CAMK2A: variants seen among roughly 807,000 people sequenced by gnomAD.
CAMK2A encodes the protein calcium/calmodulin-dependent protein kinase type II subunit alpha.
In CAMK2A, 7 loss-of-function variants were observed where a neutral mutation model predicts 79.2. That is an observed-to-expected ratio of 0.09 (90% CI 0.05 to 0.17). The LOEUF is 0.17. Ranked by LOEUF, CAMK2A falls within the 10% of genes least tolerant of loss-of-function variation. The pLI is 1.00. For synonymous variants in CAMK2A, 242 were observed against 251.7 expected, an observed-to-expected ratio of 0.96 and a Z score of 0.36; for missense variants, 214 against 646.4, an observed-to-expected ratio of 0.33 and a Z score of 7.25.
intron 1 of CAMK2A, among the ~76,000 whole-genome samples, chr5:150,281,947 C>A (rs1189145278): frequency 6.6e-6 from 1 of 152,194 alleles, no homozygotes; most frequent in Non-Finnish European, 1.5e-5. Context: ...AAACAAAACA[C>A]AGCTATGCAG....
intron 3 of CAMK2A, among the ~76,000 whole-genome samples, chr5:150,262,056 G>T (rs1756326168): frequency 6.6e-6 from 1 of 152,180 alleles, no homozygotes; most frequent in South Asian, 2.1e-4. Context: ...TCTGCAGGTG[G>T]TGATGGTAGA....
rs1756046613 is a variant in CAMK2A at position 150,256,117 on chromosome 5, T to C, written c.411+456A>G. On this transcript the variant is annotated intron_variant, in intron 6 of 18. Transcript: ENST00000671881. This position sits in a 1 kb window ranked among gnomAD's most constrained non-coding sequence, Gnocchi z 4.6. ...GCAGGAACAAGACTAAGAATGCATCTGTATACCAGGCCCCGTGCTATCTCA... is the reference window on the plus strand; with the variant it reads ...GCAGGAACAAGACTAAGAATGCATCCGTATACCAGGCCCCGTGCTATCTCA... Among the ~76,000 whole-genome samples the C allele has an allele frequency of 6.6e-6, 1 of 152,200 alleles. No individual in the cohort carries two copies. The highest frequency in any genetic ancestry group is 1.5e-5 in the Non-Finnish European group (1 of 68,034).
chr5:150,284,345 G>A lies in CAMK2A; in HGVS notation c.62+5219C>T, dbSNP rs909276438. Among the ~76,000 whole-genome samples, 7 of 152,182 alleles carry A rather than the reference G, an allele frequency of 4.6e-5. No homozygotes were observed. Among genetic ancestry groups the A allele is most frequent in the South Asian group, 2.1e-4 (1 of 4,830 alleles). ...GTGCTCCCGTGAGCTGTGTGAAGAC[G>A]CATGTGTGTGTGTGAGCACGCATGC... On this transcript the variant is annotated intron_variant, in intron 1 of 18. Transcript: ENST00000671881. The surrounding 1 kb of genome is among the most constrained non-coding windows in gnomAD (Gnocchi z 5.3).
chr5:150,229,348 C>A (rs1754743828), intron 16 of CAMK2A, among the ~76,000 whole-genome samples: 1 of 152,166 alleles, frequency 6.6e-6, no homozygotes, highest in Non-Finnish European at 1.5e-5. Context: ...CTCCAGAATC[C>A]CCCAAGAGTG....
In CAMK2A at chr5:150,219,649, A is replaced by T. The variant is rs997248467; in HGVS notation, c.*3061T>A. The T allele has an allele frequency of 6.8e-6, 1 of 147,702 alleles. No individual in the cohort carries two copies. Among genetic ancestry groups the T allele is most frequent in the African/African-American group, 2.5e-5 (1 of 40,428 alleles). 9.1% of individuals were successfully genotyped at this position (147,702 alleles called of 1,614,324 possible). ...TTTTTAAAAAAGAAAAGAAAAAAAAAAAGAACTAAAACAAAACCCCAAACA... is the reference window on the plus strand; with the variant it reads ...TTTTTAAAAAAGAAAAGAAAAAAAATAAGAACTAAAACAAAACCCCAAACA... On this transcript the variant is annotated 3_prime_UTR_variant, in exon 19 of 19. Transcript: ENST00000671881.
chr5:150,223,251 C>T lies in CAMK2A; in HGVS notation c.1238-34G>A. The T allele has an allele frequency of 1.3e-6, 2 of 1,549,784 alleles. No homozygotes were observed. The highest frequency in any genetic ancestry group is 1.8e-6 in the Non-Finnish European group (2 of 1,126,832). ...GGGGATGGGAGGGGCAGAGGAGATGCAACCGGGGGCCTCCTGTCTCACTTT... is the reference window on the plus strand; with the variant it reads ...GGGGATGGGAGGGGCAGAGGAGATGTAACCGGGGGCCTCCTGTCTCACTTT... On this transcript the variant is annotated intron_variant, in intron 17 of 18. Coordinates refer to ENST00000671881, the MANE Select transcript of CAMK2A (RefSeq NM_015981.4). The surrounding 1 kb of genome is among the most constrained non-coding windows in gnomAD (Gnocchi z 4.1).
chr5:150,273,653 C>A (rs183421718), intron 1 of CAMK2A, among the ~76,000 whole-genome samples: 1 of 152,258 alleles, frequency 6.6e-6, no homozygotes, highest in East Asian at 1.9e-4. Context: ...AGATGGTGTC[C>A]CACACACGAA....
At chr5:150,225,499 G>T (rs1754557889) in intron 17 of CAMK2A, among the ~76,000 whole-genome samples, 1 of 152,182 alleles carries the variant, frequency 6.6e-6, no homozygotes, top group South Asian at 2.1e-4. Context: ...GCTGCATAGA[G>T]GCAGGCCAAG....
Position 150,222,457 on chromosome 5 carries a change from C to T in CAMK2A, c.*253G>A, listed in dbSNP as rs1295345569. 6 of 700,674 alleles carry T rather than the reference C, an allele frequency of 8.6e-6. No individual in the cohort carries two copies. The East Asian group carries it at 1.6e-4, about 19-fold the overall frequency. The allele number at this position is 700,674 out of a possible 1,614,324, so 43.4% of individuals were successfully genotyped here. On this transcript the variant is annotated 3_prime_UTR_variant, in exon 19 of 19. Coordinates refer to ENST00000671881, the MANE Select transcript of CAMK2A (RefSeq NM_015981.4). ...AGAGGGGGCCAGTGCTGTGGACACC[C>T]ATGCCTGAGGAAGCCCCAGCCTGGC...
At chr5:150,251,936 G>T in intron 8 of CAMK2A, 46 bp downstream of exon 8, 1 of 1,584,104 alleles carries the variant, frequency 6.3e-7, no homozygotes, top group South Asian at 1.1e-5. Flanking sequence ...GGCCCCAGAG[G>T]CCGGGGTGCA....
intron 1 of CAMK2A, among the ~76,000 whole-genome samples, chr5:150,288,257 C>T (rs1187833405): frequency 6.6e-6 from 1 of 152,130 alleles, no homozygotes; most frequent in Non-Finnish European, 1.5e-5. Flanking sequence ...ACACATGTGC[C>T]TTCCTATGTG....
At chr5:150,248,479 TC>T (rs1393844379) in intron 11 of CAMK2A, among the ~76,000 whole-genome samples, 9 of 82,476 alleles carry the variant, frequency 1.1e-4, no homozygotes, top group African/African-American at 3.3e-4. Flanking sequence ...ATGCTATCCC[TC>T]CCCCCTCCCC....
At chr5:150,251,107 A>G (rs1755812928) in intron 9 of CAMK2A, among the ~76,000 whole-genome samples, 1 of 152,370 alleles carries the variant, frequency 6.6e-6, no homozygotes, top group East Asian at 1.9e-4. Flanking sequence ...GCCTGGATTC[A>G]AGTCCTGGCT....
intron 2 of CAMK2A, among the ~76,000 whole-genome samples, chr5:150,266,864 G>A (rs1460344255): frequency 6.6e-6 from 1 of 152,054 alleles, no homozygotes; most frequent in Non-Finnish European, 1.5e-5. Flanking sequence ...GCAGGTATGC[G>A]GGTGGGGGGG....
At chr5:150,241,308 C>T (rs1037081700) in intron 13 of CAMK2A, among the ~76,000 whole-genome samples, 6 of 152,048 alleles carry the variant, frequency 3.9e-5, no homozygotes, top group Admixed American at 6.5e-5. Context: ...CTCATCTCCC[C>T]GATTCCCTTC....
chr5:150,286,747 G>A (rs557202307), intron 1 of CAMK2A, among the ~76,000 whole-genome samples: 5 of 152,164 alleles, frequency 3.3e-5, no homozygotes, highest in Non-Finnish European at 5.9e-5. Flanking sequence ...GGCCAGCCAG[G>A]GGGGAAGCAC....
Position 150,284,753 on chromosome 5 carries a change from C to T in CAMK2A, c.62+4811G>A, listed in dbSNP as rs1206518432. ...TCTAGTCCCCTAGCCTGGGCCCTCT[C>T]TCTCCTGTGGCCTTGGACAAACCAC... On this transcript the variant is annotated intron_variant, in intron 1 of 18. Coordinates refer to ENST00000671881, the MANE Select transcript of CAMK2A (RefSeq NM_015981.4). This position sits in a 1 kb window ranked among gnomAD's most constrained non-coding sequence, Gnocchi z 5.3. Among the ~76,000 whole-genome samples the T allele has an allele frequency of 6.6e-6, 1 of 152,196 alleles. No individual in the cohort carries two copies. Among genetic ancestry groups the T allele is most frequent in the Non-Finnish European group, 1.5e-5 (1 of 68,034 alleles).
intron 11 of CAMK2A, among the ~76,000 whole-genome samples, chr5:150,248,951 G>A (rs754739760): frequency 2.6e-5 from 4 of 152,158 alleles, no homozygotes; most frequent in Non-Finnish European, 4.4e-5. Context: ...ACTTGACACT[G>A]TCTGAATCCC....
At chr5:150,242,917 C>T (rs1024567337) in intron 13 of CAMK2A, among the ~76,000 whole-genome samples, 1 of 152,196 alleles carries the variant, frequency 6.6e-6, no homozygotes. Flanking sequence ...GGATGAGCTA[C>T]AAAGAGATGG....
Sources: allele counts gnomAD v4.1 joint callset (sites outside exome capture counted in the v4.1 genomes callset), GRCh38; gene constraint gnomAD v4.1.1; non-coding constraint Gnocchi (gnomAD v3.1); transcripts MANE v1.5; gene names NCBI Gene and HGNC (gene_info 2026-07-23, HGNC 2026-07-21).